Variants in DNAAF10 observed in about 807,000 individuals in gnomAD.
DNAAF10 encodes WD repeat domain 92.
In DNAAF10, 28 loss-of-function variants were observed where a neutral mutation model predicts 43.7. That is an observed-to-expected ratio of 0.64 (90% CI 0.48 to 0.88). The LOEUF (loss-of-function observed/expected upper bound fraction) is 0.88. DNAAF10 is among the 40% of genes least tolerant of loss of function. The pLI is 0.00. For synonymous variants in DNAAF10, 156 were observed against 157.3 expected, an observed-to-expected ratio of 0.99 and a Z score of 0.06; for missense variants, 403 against 439.1, an observed-to-expected ratio of 0.92 and a Z score of 0.73.
intron 4 of DNAAF10, among the ~76,000 whole-genome samples, chr2:68,140,862 G>T (rs563966121): frequency 6.6e-6 from 1 of 152,254 alleles, no homozygotes; most frequent in Admixed American, 6.5e-5. Flanking sequence ...CACTAAAAAC[G>T]TACAGACTTC....
At chr2:68,133,393 G>A (rs565781216) in intron 7 of DNAAF10, among the ~76,000 whole-genome samples, 94 of 152,034 alleles carry the variant, frequency 6.2e-4, no homozygotes, top group Non-Finnish European at 1.0e-3. Flanking sequence ...GTGCCACCAC[G>A]CCCGGCTAGT....
chr2:68,155,959 AG>A (rs1354049828), intron 1 of DNAAF10, among the ~76,000 whole-genome samples: 1 of 151,976 alleles, frequency 6.6e-6, no homozygotes, highest in African/African-American at 2.4e-5. Context: ...AAAAATAAAA[AG>A]TACAAAAAAA....
chr2:68,141,037 C>T (rs1296495951), intron 4 of DNAAF10, among the ~76,000 whole-genome samples: 1 of 152,148 alleles, frequency 6.6e-6, no homozygotes, highest in African/African-American at 2.4e-5. Context: ...CCAGGCCCCA[C>T]CTCCAACACT....
intron 7 of DNAAF10, chr2:68,134,501 A>C (rs1672990541): frequency 1.4e-6 from 2 of 1,383,564 alleles, no homozygotes; most frequent in South Asian, 3.4e-5. Context: ...GTATCAAAAG[A>C]AGATTAGTGT....
intron 2 of DNAAF10, among the ~76,000 whole-genome samples, chr2:68,145,219 G>GA (rs1049611275): frequency 1.7e-3 from 203 of 120,338 alleles, no homozygotes; most frequent in South Asian, 3.7e-3. Flanking sequence ...CCCTGTTTCA[G>GA]AAAAAAAAAA....
intron 3 of DNAAF10, among the ~76,000 whole-genome samples, chr2:68,144,140 T>C (rs1673255863): frequency 6.6e-6 from 1 of 152,188 alleles, no homozygotes; most frequent in South Asian, 2.1e-4. Context: ...CCTTTGGAAC[T>C]CTCTATAATG....
chr2:68,144,844 T>C, intron 2 of DNAAF10, 129 bp from the exon 3 acceptor site: 1 of 1,240,802 alleles, frequency 8.1e-7, no homozygotes, highest in Non-Finnish European at 1.1e-6. Context: ...GAAGATAGTT[T>C]ATACATTTAT....
chr2:68,153,292 C>T (rs1041382093), intron 1 of DNAAF10, among the ~76,000 whole-genome samples: 1 of 145,498 alleles, frequency 6.9e-6, no homozygotes, highest in African/African-American at 2.5e-5. Context: ...GCTTCCTTTA[C>T]ATCTTTTCTT....
rs578202565 is a variant in DNAAF10, at chr2:68,149,345, C to A, written c.184-1778G>T. On this transcript the variant is annotated intron_variant, in intron 1 of 7. Coordinates refer to ENST00000295121, the MANE Select transcript of DNAAF10 (RefSeq NM_138458.4). Reference sequence around the variant, plus strand: ...GTGGCCAAGTCTAAAAGCACTCATACCTTCCTCAGAATTGTCTAGTAAACG... The same window carrying A: ...GTGGCCAAGTCTAAAAGCACTCATAACTTCCTCAGAATTGTCTAGTAAACG... Among the ~76,000 whole-genome samples, 131 of 152,262 alleles carry A rather than the reference C, an allele frequency of 8.6e-4. 1 individual carries two copies. The highest frequency in any genetic ancestry group is 3.0e-3 in the African/African-American group (123 of 41,560).
intron 7 of DNAAF10, among the ~76,000 whole-genome samples, chr2:68,133,263 C>A (rs1672961383): frequency 6.6e-6 from 1 of 152,104 alleles, no homozygotes; most frequent in Non-Finnish European, 1.5e-5. Flanking sequence ...AAGTCTCTGT[C>A]GCTCTGTCTC....
intron 4 of DNAAF10, among the ~76,000 whole-genome samples, chr2:68,141,164 TAC>T (rs1168639250): frequency 1.3e-5 from 2 of 152,216 alleles, no homozygotes; most frequent in African/African-American, 4.8e-5. Flanking sequence ...AATGAAGGAA[TAC>T]AGTTATCAAA....
rs1672919296 is a variant in DNAAF10, at chr2:68,130,960, G to C, written c.*278C>G. 3.6e-5 allele frequency: 8 copies of C among 223,038 alleles called. No individual in the cohort carries two copies. In the South Asian group the frequency reaches 4.3e-4, roughly 12 times the overall value. 13.8% of individuals were successfully genotyped at this position (223,038 alleles called of 1,614,324 possible). A position where few individuals can be genotyped will look rare whatever the true frequency, so the allele number is the denominator to read the frequency against. On this transcript the variant is annotated 3_prime_UTR_variant, in exon 8 of 8. Coordinates refer to ENST00000295121, the MANE Select transcript of DNAAF10 (RefSeq NM_138458.4). ...TGAGACAGTCTTGCTCAGTTGCCCA[G>C]GCTGGAGTGCAGTGGCACAATCTCG...
intron 2 of DNAAF10, among the ~76,000 whole-genome samples, chr2:68,145,588 T>C (rs993965836): frequency 6.6e-6 from 1 of 152,214 alleles, no homozygotes; most frequent in Non-Finnish European, 1.5e-5. Flanking sequence ...TAATGTACTA[T>C]TTTCCCACTG....
At chr2:68,151,377 T>C (rs554779931) in intron 1 of DNAAF10, among the ~76,000 whole-genome samples, 47 of 152,334 alleles carry the variant, frequency 3.1e-4, no homozygotes, top group African/African-American at 1.1e-3. Context: ...TCTATCCTTC[T>C]CTTCATTCAG....
chr2:68,133,596 T>C (rs1445697240), intron 7 of DNAAF10, among the ~76,000 whole-genome samples: 3 of 151,944 alleles, frequency 2.0e-5, no homozygotes, highest in Admixed American at 6.6e-5. Context: ...CTACTAAAAA[T>C]ACAAAAATTA....
intron 1 of DNAAF10, among the ~76,000 whole-genome samples, chr2:68,155,627 A>G (rs1673578368): frequency 6.6e-6 from 1 of 152,150 alleles, no homozygotes; most frequent in Non-Finnish European, 1.5e-5. Flanking sequence ...CAGGAGTTCC[A>G]GGCTGCGATG....
intron 7 of DNAAF10, 117 bp from the exon 8 acceptor site, chr2:68,131,562 T>C: frequency 2.1e-6 from 2 of 954,024 alleles, no homozygotes; most frequent in Non-Finnish European, 3.1e-6. Context: ...AATAAATACT[T>C]AAAGAATCTT....
At chr2:68,155,317 C>T (rs1191190532) in intron 1 of DNAAF10, among the ~76,000 whole-genome samples, 2 of 151,844 alleles carry the variant, frequency 1.3e-5, no homozygotes, top group Non-Finnish European at 1.5e-5. Flanking sequence ...CATGGTGAAA[C>T]CCCATCTCTA....
chr2:68,153,041 C>T (rs1465918955), intron 1 of DNAAF10, among the ~76,000 whole-genome samples: 1 of 152,050 alleles, frequency 6.6e-6, no homozygotes, highest in African/African-American at 2.4e-5. Context: ...CATCCCTAGT[C>T]CATATGGTAT....
Sources: allele counts gnomAD v4.1 joint callset (sites outside exome capture counted in the v4.1 genomes callset), GRCh38; gene constraint gnomAD v4.1.1; transcripts MANE v1.5; gene names NCBI Gene and HGNC (gene_info 2026-07-23, HGNC 2026-07-21).